ADAMTS9: variants seen among roughly 807,000 people sequenced by gnomAD.
ADAMTS9 encodes ADAM metallopeptidase with thrombospondin type 1 motif 9, also known as A disintegrin and metalloproteinase with thrombospondin motifs 9.
ADAMTS9 carries 107 observed loss-of-function variants against 257.1 expected under a neutral mutation model. The observed-to-expected ratio is 0.42, with a 90% CI of 0.36 to 0.49. The LOEUF (loss-of-function observed/expected upper bound fraction) is 0.49. Ranked by LOEUF, ADAMTS9 falls within the 20% of genes least tolerant of loss-of-function variation. The pLI, the probability that ADAMTS9 is intolerant of heterozygous loss-of-function variation, is 0.03. For missense variants in ADAMTS9, 2,353 were observed against 2,469.1 expected, an observed-to-expected ratio of 0.95 and a Z score of 1.00; for synonymous variants, 982 against 880.9, an observed-to-expected ratio of 1.11 and a Z score of -2.03.
At chr3:64,590,590 G>C (rs1037157974) in intron 28 of ADAMTS9, among the ~76,000 whole-genome samples, 11 of 152,056 alleles carry the variant, frequency 7.2e-5, no homozygotes, top group African/African-American at 2.4e-4. Context: ...ATTTCTTCTA[G>C]GGAGAGAAGC....
intron 38 of ADAMTS9, among the ~76,000 whole-genome samples, chr3:64,523,132 A>G (rs1017222351): frequency 1.3e-5 from 2 of 152,252 alleles, no homozygotes; most frequent in African/African-American, 2.4e-5. Flanking sequence ...CCTGTTTAAC[A>G]GCAACATCTG....
At chr3:64,657,106 C>T (rs1576167606) in intron 4 of ADAMTS9, among the ~76,000 whole-genome samples, 2 of 152,100 alleles carry the variant, frequency 1.3e-5, no homozygotes, top group East Asian at 1.9e-4. Context: ...GCTGTATATG[C>T]GAACATGTTT....
chr3:64,643,445 A>ATTTT lies in ADAMTS9; in HGVS notation c.1711-1456_1711-1453dup, dbSNP rs57471985. On this transcript the variant is annotated intron_variant, in intron 11 of 39. Coordinates refer to ENST00000498707, the MANE Select transcript of ADAMTS9 (RefSeq NM_182920.2). ...GTAGTCAACATAACATTACTCAATA[A>ATTTT]TTTTTTTTTTTTTTTTTTTTTTTTT... Among the ~76,000 whole-genome samples, 76 of 61,410 alleles carry ATTTT rather than the reference A, an allele frequency of 1.2e-3. 11 individuals are homozygous for ATTTT. Among genetic ancestry groups the ATTTT allele is most frequent in the African/African-American group, 4.1e-3 (59 of 14,264 alleles). The allele number at this position is 61,410 out of a possible 152,430, so 40.3% of individuals were successfully genotyped here. A position where few individuals can be genotyped will look rare whatever the true frequency, so the allele number is the denominator to read the frequency against.
intron 38 of ADAMTS9, among the ~76,000 whole-genome samples, chr3:64,523,775 A>C (rs992740385): frequency 2.6e-5 from 4 of 152,186 alleles, no homozygotes; most frequent in African/African-American, 9.6e-5. Flanking sequence ...TGAAAGCTCA[A>C]TACCTTGACT....
At chr3:64,639,603 C>A (rs1700589667) in intron 12 of ADAMTS9, among the ~76,000 whole-genome samples, 1 of 152,114 alleles carries the variant, frequency 6.6e-6, no homozygotes, top group South Asian at 2.1e-4. Context: ...ATGGAATATC[C>A]TTGAGTCAAA....
At chr3:64,558,822 A>G (rs7373447) in intron 30 of ADAMTS9, among the ~76,000 whole-genome samples, 103,359 of 152,018 alleles carry the variant, frequency 0.68, 36,013 homozygotes, top group South Asian at 0.92. Flanking sequence ...GGGGTATCCT[A>G]TAATGGGGGG....
intron 38 of ADAMTS9, among the ~76,000 whole-genome samples, chr3:64,532,669 G>A (rs941780959): frequency 1.3e-5 from 2 of 152,152 alleles, no homozygotes; most frequent in African/African-American, 2.4e-5. Flanking sequence ...TAACCACCCA[G>A]ATTTTAGAGG....
chr3:64,646,459 G>C (rs1028637294), intron 11 of ADAMTS9, among the ~76,000 whole-genome samples: 1 of 152,156 alleles, frequency 6.6e-6, no homozygotes, highest in Non-Finnish European at 1.5e-5. Context: ...GTCTTGCAAA[G>C]ATTCACTCTT....
chr3:64,579,678 T>C lies in ADAMTS9; in HGVS notation c.4357-11143A>G, dbSNP rs375420397. Among the ~76,000 whole-genome samples the C allele has an allele frequency of 1.9e-4, 29 of 152,274 alleles. No homozygotes were observed. The East Asian group carries it at 2.9e-3, about 15-fold the overall frequency. ...TGTCCAAATGAATGCATGAAACAAG[T>C]GAATAAATAATATCCAATAGAACCT... is the stretch of plus-strand genomic sequence containing the variant. On this transcript the variant is annotated intron_variant, in intron 28 of 39. Coordinates refer to ENST00000498707, the MANE Select transcript of ADAMTS9 (RefSeq NM_182920.2).
intron 4 of ADAMTS9, among the ~76,000 whole-genome samples, chr3:64,657,203 T>C (rs1701097360): frequency 6.6e-6 from 1 of 152,206 alleles, no homozygotes; most frequent in African/African-American, 2.4e-5. Flanking sequence ...CTAGCTCAAA[T>C]TGAGGTATGC....
chr3:64,637,465 A>G (rs1420466166), intron 12 of ADAMTS9, among the ~76,000 whole-genome samples: 1 of 152,238 alleles, frequency 6.6e-6, no homozygotes, highest in Non-Finnish European at 1.5e-5. Flanking sequence ...TCTTTCAAGC[A>G]CATATTACAC....
chr3:64,654,264 C>T, intron 8 of ADAMTS9, 89 bp downstream of exon 8: 2 of 1,320,508 alleles, frequency 1.5e-6, no homozygotes, highest in South Asian at 2.7e-5. Flanking sequence ...CTCTTACACA[C>T]TCGAAAGTCA....
intron 12 of ADAMTS9, among the ~76,000 whole-genome samples, chr3:64,639,950 G>T (rs1290568453): frequency 6.6e-6 from 1 of 152,168 alleles, no homozygotes; most frequent in African/African-American, 2.4e-5. Context: ...ACTTTTCAGT[G>T]ATTATTTCTC....
chr3:64,680,173 CTGGTA>C (rs1312959884), intron 3 of ADAMTS9, among the ~76,000 whole-genome samples: 2 of 152,106 alleles, frequency 1.3e-5, no homozygotes, highest in Non-Finnish European at 2.9e-5. Context: ...AGTGAACAAC[CTGGTA>C]CAGGTATAAG....
chr3:64,655,868 G>C lies in ADAMTS9; in HGVS notation c.977C>G (p.Ser326Cys). ...YILTLMSIVASIYKDPSIGNL... is the reference protein window; with the variant it reads ...YILTLMSIVACIYKDPSIGNL... Reference sequence around the variant, plus strand: ...TCCAATACTTGGGTCTTTATAGATAGAGGCTACCTGCAACCGAGATAAATT... The same window carrying C: ...TCCAATACTTGGGTCTTTATAGATACAGGCTACCTGCAACCGAGATAAATT... Residue 326 changes from serine (S) to cysteine (C), a missense_variant, in exon 5 of 40, where the codon TCT becomes TGT. By Grantham distance (112) the Ser-to-Cys change is moderately radical (BLOSUM62 -1). Around this residue, in one of 3 missense-constraint regions of ADAMTS9, gnomAD observed 591 missense variants for 569.6 expected, o/e 1.04. Transcript: ENST00000498707. The C allele has an allele frequency of 6.4e-7, 1 of 1,552,700 alleles. No homozygotes were observed. The highest frequency in any genetic ancestry group is 8.7e-7 in the Non-Finnish European group (1 of 1,155,880).
At chr3:64,628,918 G>C (rs747537230) in intron 16 of ADAMTS9, among the ~76,000 whole-genome samples, 1 of 152,128 alleles carries the variant, frequency 6.6e-6, no homozygotes, top group Non-Finnish European at 1.5e-5. Flanking sequence ...ACTAGTGGTC[G>C]TATAATAAAT....
At chr3:64,553,744 T>C (rs1351932280) in intron 30 of ADAMTS9, among the ~76,000 whole-genome samples, 1 of 152,110 alleles carries the variant, frequency 6.6e-6, no homozygotes, top group Non-Finnish European at 1.5e-5. Flanking sequence ...TCAGTCCTCA[T>C]TTTTCTGGAG....
Position 64,533,226 on chromosome 3 carries a change from A to G in ADAMTS9, c.5658T>C (p.Thr1886=), listed in dbSNP as rs751213948. 19 of 1,611,660 alleles carry G rather than the reference A, an allele frequency of 1.2e-5. No individual in the cohort carries two copies. The highest frequency in any genetic ancestry group is 1.6e-5 in the Non-Finnish European group (19 of 1,178,632). ...INLYGTGLSL[T]ESARWISQGN... ...CTTGTGATATCCATCTGGCAGATTC[A>G]GTTAAAGACAAGCCGGTTCCATAAA... Residue 1886 remains threonine, a synonymous_variant, in exon 38 of 40, where the codon ACT becomes ACC. Coordinates refer to ENST00000498707, the MANE Select transcript of ADAMTS9 (RefSeq NM_182920.2).
At chr3:64,600,115 G>T (rs79747978) in intron 26 of ADAMTS9, among the ~76,000 whole-genome samples, 2,470 of 135,694 alleles carry the variant, frequency 0.018, 57 homozygotes, top group African/African-American at 0.064. Flanking sequence ...AGTGTATACA[G>T]AAATCTATTA....
Sources: gnomAD v4.1 joint callset for allele counts (sites outside exome capture counted in the v4.1 genomes callset) on GRCh38, gnomAD v4.1.1 for gene constraint, gnomAD v4.1.1 regional missense constraint, MANE v1.5 for transcripts, NCBI Gene and HGNC (gene_info 2026-07-23, HGNC 2026-07-21) for gene names.